The following TAAR5 variants were observed in gnomAD, a reference collection of about 807,000 sequenced individuals.
The protein encoded by TAAR5 is trace amine associated receptor 5.
Under a neutral mutation model 21.1 loss-of-function variants are expected in TAAR5, and 27 were observed. The ratio of observed to expected loss-of-function variants is 1.28; its 90% CI spans 0.94 to 1.76. The LOEUF is 1.76. TAAR5 is among the 40% of genes most tolerant of loss of function. TAAR5 has a pLI of 0.00. For synonymous variants in TAAR5, 203 were observed against 167.5 expected, an observed-to-expected ratio of 1.21 and a Z score of -1.64; for missense variants, 495 against 405.6, an observed-to-expected ratio of 1.22 and a Z score of -1.89.
the TAAR5 span, among the ~76,000 whole-genome samples, chr6:132,596,644 C>T: frequency 6.6e-6 from 1 of 151,984 alleles, no homozygotes; most frequent in Non-Finnish European, 1.5e-5. Flanking sequence ...AACTTGATTT[C>T]TTAAAATTTT....
chr6:132,616,371 T>C, the TAAR5 span, among the ~76,000 whole-genome samples: 40 of 152,328 alleles, frequency 2.6e-4, no homozygotes, highest in South Asian at 1.0e-3. Flanking sequence ...AACAAAACTT[T>C]AGTAGATATT....
At chr6:132,601,975 CTT>C in the TAAR5 span, among the ~76,000 whole-genome samples, 1 of 152,090 alleles carries the variant, frequency 6.6e-6, no homozygotes, top group Admixed American at 6.5e-5. Context: ...GACTTTGACT[CTT>C]TTTGAATTTT....
At chr6:132,598,856 G>A in the TAAR5 span, among the ~76,000 whole-genome samples, 3 of 152,092 alleles carry the variant, frequency 2.0e-5, no homozygotes, top group African/African-American at 7.2e-5. Flanking sequence ...AGGAAGGGAG[G>A]AAGAGAGGAA....
At chr6:132,614,540 T>C in the TAAR5 span, among the ~76,000 whole-genome samples, 2 of 152,208 alleles carry the variant, frequency 1.3e-5, no homozygotes, top group Non-Finnish European at 2.9e-5. Context: ...TTTAAAAAGA[T>C]TAGAACATTT....
chr6:132,600,968 GGAAGGAGGGAAA>G, the TAAR5 span, among the ~76,000 whole-genome samples: 2 of 136,030 alleles, frequency 1.5e-5, no homozygotes, highest in Non-Finnish European at 3.1e-5. Flanking sequence ...AGGGAAGGAG[GGAAGGAGGGAAA>G]GAAGGAAGGA....
chr6:132,589,531 A>T lies in TAAR5; in HGVS notation c.156T>A (p.Asn52Lys), dbSNP rs748248177. Reference protein sequence around the residue: ...AAGMLIIVLGNVFVAFAVSYF... With the variant: ...AAGMLIIVLGKVFVAFAVSYF... ...AGGACACAGCAAATGCCACAAATAC[A>T]TTCCCTAGCACGATAATCAGCATGC... Residue 52 changes from asparagine (N) to lysine (K), a missense_variant, in exon 1 of 1, where the codon AAT becomes AAA. Coordinates refer to ENST00000258034, the MANE Select transcript of TAAR5 (RefSeq NM_003967.3). The T allele has an allele frequency of 6.2e-7, 1 of 1,614,004 alleles. No individual in the cohort carries two copies. Among genetic ancestry groups the T allele is most frequent in the Non-Finnish European group, 8.5e-7 (1 of 1,179,984 alleles).
the TAAR5 span, among the ~76,000 whole-genome samples, chr6:132,614,090 A>G: frequency 6.6e-6 from 1 of 152,250 alleles, no homozygotes. Flanking sequence ...CTCAAATTAC[A>G]TGTACAAAGA....
the TAAR5 span, among the ~76,000 whole-genome samples, chr6:132,613,182 G>GC: frequency 2.6e-5 from 4 of 152,152 alleles, no homozygotes; most frequent in African/African-American, 7.2e-5. Context: ...CCACAGTGGG[G>GC]CATCTGTCTA....
the TAAR5 span, among the ~76,000 whole-genome samples, chr6:132,600,798 G>GAGGA: frequency 6.5e-5 from 4 of 61,940 alleles, no homozygotes; most frequent in Admixed American, 3.1e-4. Flanking sequence ...GGAAGGAGGG[G>GAGGA]AGGAAGGAAG....
At chr6:132,603,155 G>T in the TAAR5 span, among the ~76,000 whole-genome samples, 2 of 151,634 alleles carry the variant, frequency 1.3e-5, no homozygotes, top group Admixed American at 1.3e-4. Flanking sequence ...GTAAAAAATT[G>T]GCCTGGTGTG....
upstream of TAAR5, among the ~76,000 whole-genome samples, chr6:132,590,101 T>C (rs1482194378): frequency 2.0e-5 from 3 of 152,228 alleles, no homozygotes; most frequent in African/African-American, 7.2e-5. Context: ...TTTTGTCAAA[T>C]GTAAAGTGAA....
chr6:132,597,650 T>A, the TAAR5 span, among the ~76,000 whole-genome samples: 126 of 152,316 alleles, frequency 8.3e-4, 1 homozygote, highest in Middle Eastern at 0.01. Context: ...CCTTTTTCTC[T>A]TTTTTACCAA....
At chr6:132,602,218 G>A in the TAAR5 span, among the ~76,000 whole-genome samples, 3 of 152,070 alleles carry the variant, frequency 2.0e-5, no homozygotes, top group Non-Finnish European at 1.5e-5. Context: ...AGATGGTTTT[G>A]GGATGACTCA....
At chr6:132,600,431 C>T in the TAAR5 span, among the ~76,000 whole-genome samples, 1 of 152,100 alleles carries the variant, frequency 6.6e-6, no homozygotes, top group African/African-American at 2.4e-5. Context: ...CTCCTCAATG[C>T]TCTCCCAACC....
chr6:132,608,216 A>G, the TAAR5 span: 45 of 392,494 alleles, frequency 1.1e-4, no homozygotes, highest in Middle Eastern at 2.1e-3. Flanking sequence ...CTCATTTGCA[A>G]TATTCTATTC....
chr6:132,612,342 G>C, the TAAR5 span, among the ~76,000 whole-genome samples: 1 of 152,094 alleles, frequency 6.6e-6, no homozygotes, highest in South Asian at 2.1e-4. Flanking sequence ...TATCTGTGTT[G>C]TTTCAATGAA....
chr6:132,613,348 C>T, the TAAR5 span, among the ~76,000 whole-genome samples: 14 of 152,264 alleles, frequency 9.2e-5, no homozygotes, highest in Non-Finnish European at 1.8e-4. Flanking sequence ...CAGATCTTTG[C>T]GGCCATTAAC....
At chr6:132,601,019 G>GGGAAGGAGGGAAAGAA in the TAAR5 span, among the ~76,000 whole-genome samples, 3 of 19,610 alleles carry the variant, frequency 1.5e-4, no homozygotes, top group African/African-American at 7.3e-4. Flanking sequence ...GAAGGAAGGG[G>GGGAAGGAGGGAAAGAA]GGAAGGAGGG....
At chr6:132,599,484 A>T in the TAAR5 span, among the ~76,000 whole-genome samples, 1 of 151,598 alleles carries the variant, frequency 6.6e-6, no homozygotes, top group African/African-American at 2.4e-5. Context: ...ACCTGACACC[A>T]TGCCTGGCTA....
Sources: allele counts gnomAD v4.1 joint callset (sites outside exome capture counted in the v4.1 genomes callset), GRCh38; gene constraint gnomAD v4.1.1; transcripts MANE v1.5; gene names NCBI Gene and HGNC (gene_info 2026-07-23, HGNC 2026-07-21).